PXYLP1: variants seen among roughly 807,000 people sequenced by gnomAD.
The protein encoded by PXYLP1 is acid phosphatase-like 2.
Under a neutral mutation model 37.9 loss-of-function variants are expected in PXYLP1, and 17 were observed. That is an observed-to-expected ratio of 0.45 (90% confidence interval 0.31 to 0.67). PXYLP1 has a LOEUF of 0.67. Among genes scored for constraint, PXYLP1 ranks in the 30% least tolerant of loss-of-function variants. PXYLP1 has a pLI of 0.07. For synonymous variants in PXYLP1, 221 were observed against 232.2 expected (o/e 0.95, Z 0.44); for missense variants, 511 against 612.0 (o/e 0.84, Z 1.74).
In PXYLP1 at chr3:141,269,113, C is replaced by G. The variant is rs142383290; in HGVS notation, c.79+8859C>G. On this transcript the variant is annotated intron_variant, in intron 2 of 5. Coordinates refer to ENST00000286353, the MANE Select transcript of PXYLP1 (RefSeq NM_001037172.3). ...GAGGTGGCCTCCCCAAAGCCCCTCG[C>G]CTGTCTGGCTATGTCTTTTGAGCCT... Among the ~76,000 whole-genome samples, 348 of 152,384 alleles carry G rather than the reference C, an allele frequency of 2.3e-3. 2 individuals carry two copies. The highest frequency in any genetic ancestry group is 7.9e-3 in the African/African-American group (327 of 41,590).
intron 1 of PXYLP1, among the ~76,000 whole-genome samples, chr3:141,244,234 A>G (rs1265886390): frequency 6.6e-6 from 1 of 152,234 alleles, no homozygotes; most frequent in African/African-American, 2.4e-5. Flanking sequence ...CACAGGTTCA[A>G]ATTCTAAAGT....
intron 2 of PXYLP1, among the ~76,000 whole-genome samples, chr3:141,269,556 C>T (rs916282309): frequency 2.6e-5 from 4 of 152,048 alleles, no homozygotes; most frequent in Admixed American, 6.5e-5. Context: ...ACTTTGGGTT[C>T]TTAGCCTGAA....
chr3:141,286,226 T>C (rs887104041), intron 4 of PXYLP1, among the ~76,000 whole-genome samples: 21 of 152,370 alleles, frequency 1.4e-4, no homozygotes, highest in Non-Finnish European at 2.4e-4. Flanking sequence ...CATTTCATTA[T>C]TCAGGGTAAT....
chr3:141,239,919 G>A (rs953761427), intron 1 of PXYLP1, among the ~76,000 whole-genome samples: 2 of 152,242 alleles, frequency 1.3e-5, no homozygotes, highest in Non-Finnish European at 2.9e-5. Context: ...ACAAGGACTG[G>A]CATGAAACAG....
intron 2 of PXYLP1, chr3:141,273,418 G>C: frequency 3.0e-6 from 3 of 985,198 alleles, no homozygotes; most frequent in Non-Finnish European, 3.6e-6. Flanking sequence ...GCAGAGAGAG[G>C]ATCAGTTTGG....
intron 2 of PXYLP1, among the ~76,000 whole-genome samples, chr3:141,264,983 A>G (rs1290880318): frequency 6.6e-6 from 1 of 152,226 alleles, no homozygotes; most frequent in Non-Finnish European, 1.5e-5. Flanking sequence ...CAGGAACCCA[A>G]TCCAGCTTGG....
At chr3:141,267,711 G>A (rs576457075) in intron 2 of PXYLP1, 1 of 152,222 alleles carries the variant, frequency 6.6e-6, no homozygotes, top group South Asian at 2.1e-4. Context: ...AGATGCATTG[G>A]AGTGGGAAGG....
chr3:141,280,270 G>A (rs1941916868), intron 4 of PXYLP1, among the ~76,000 whole-genome samples: 1 of 152,224 alleles, frequency 6.6e-6, no homozygotes, highest in African/African-American at 2.4e-5. Context: ...ATGCCAGCCT[G>A]CCCCGGGAGG....
Position 141,268,194 on chromosome 3 carries a change from AGAGAGAGAGAGAGTGTGT to A in PXYLP1, c.79+7942_79+7959del, listed in dbSNP as rs1333948146. Among the ~76,000 whole-genome samples the A allele has an allele frequency of 2.4e-3, 285 of 119,090 alleles. 1 individual carries two copies. Among genetic ancestry groups the A allele is most frequent in the South Asian group, 3.0e-3 (11 of 3,670 alleles). 78.1% of individuals were successfully genotyped at this position (119,090 alleles called of 152,430 possible). ...GAGAGAGAGAGAGAGAGAGAGAGAG[AGAGAGAGAGAGAGTGTGT>A]GTGTGTGTGTGTGTGTGTGTGTGTG... On this transcript the variant is annotated intron_variant, in intron 2 of 5. Transcript: ENST00000286353.
Position 141,257,926 on chromosome 3 carries a change from AGAG to A in PXYLP1, c.-53-2196_-53-2194del, listed in dbSNP as rs138384616. ...TCTCAAAAAAAAAAAAAAAAAAAAAAGAGAGAGAGAGAGAAAGAAAGAAGAAAA... is the reference window on the plus strand; with the variant it reads ...TCTCAAAAAAAAAAAAAAAAAAAAAAAGAGAGAGAGAAAGAAAGAAGAAAA... On this transcript the variant is annotated intron_variant, in intron 1 of 5. Transcript: ENST00000286353. Among the ~76,000 whole-genome samples, 344 of 134,058 alleles carry A rather than the reference AGAG, an allele frequency of 2.6e-3. 4 individuals carry two copies. Among genetic ancestry groups the A allele is most frequent in the African/African-American group, 0.011 (321 of 28,726 alleles). 87.9% of individuals were successfully genotyped at this position (134,058 alleles called of 152,430 possible).
intron 2 of PXYLP1, chr3:141,273,429 CT>C: frequency 1.0e-6 from 1 of 985,358 alleles, no homozygotes; most frequent in Non-Finnish European, 1.2e-6. Flanking sequence ...ATCAGTTTGG[CT>C]TGCATCCTAG....
At chr3:141,262,988 G>C (rs1256175376) in intron 2 of PXYLP1, among the ~76,000 whole-genome samples, 2 of 152,134 alleles carry the variant, frequency 1.3e-5, no homozygotes, top group African/African-American at 2.4e-5. Flanking sequence ...AGGCAACTAA[G>C]TATAACTCGG....
chr3:141,243,698 C>T (rs1027164590), intron 1 of PXYLP1, among the ~76,000 whole-genome samples: 9 of 152,240 alleles, frequency 5.9e-5, no homozygotes, highest in African/African-American at 2.2e-4. Flanking sequence ...GTTCTTGGAA[C>T]TCTGGGTTCG....
chr3:141,287,319 C>G lies in PXYLP1; in HGVS notation c.371C>G (p.Pro124Arg). The stretch of plus-strand genomic sequence containing the variant: ...TCTCTCTATCATCTCTCTAGGAAAC[C>G]GTATCACCCAAAACTGGAAGCTTTC... The part of the protein sequence containing the change: ...IDCTLVANRK[P>R]YHPKLEAFIS... Residue 124 changes from proline (P) to arginine (R), a missense_variant, in exon 5 of 6, where the codon CCG (proline) becomes CGG (arginine). Pro to Arg is a moderately radical substitution (Grantham distance 103, BLOSUM62 -2). Coordinates refer to ENST00000286353, the MANE Select transcript of PXYLP1 (RefSeq NM_001037172.3). 1 of 1,613,960 alleles carries G rather than the reference C, an allele frequency of 6.2e-7. No homozygotes were observed. The highest frequency in any genetic ancestry group is 8.5e-7 in the Non-Finnish European group (1 of 1,179,894).
In PXYLP1 at chr3:141,279,502, C is replaced by T. The variant is rs1302580467; in HGVS notation, c.363C>T (p.Asn121=). ...RPEIDCTLVA[N]RKPYHPKLEA... ...AAATTGACTGCACTCTGGTGGCTAA[C>T]AGGTAAATTGCACTTTTTCTAAAAG... is the stretch of plus-strand genomic sequence containing the variant. The change falls in exon 4 of 6, where the codon AAC becomes AAT. Residue 121 remains asparagine, a splice_region_variant and synonymous_variant. Coordinates refer to ENST00000286353, the MANE Select transcript of PXYLP1 (RefSeq NM_001037172.3). The T allele has an allele frequency of 3.1e-6, 5 of 1,614,112 alleles. No individual in the cohort carries two copies. The Admixed American group carries it at 8.3e-5, about 27-fold the overall frequency.
rs1361394309 is a variant in PXYLP1, at chr3:141,261,762, C to T, written c.79+1508C>T. Among the ~76,000 whole-genome samples the T allele has an allele frequency of 3.9e-5, 6 of 152,274 alleles. No individual in the cohort carries two copies. In the South Asian group the frequency reaches 1.2e-3, roughly 32 times the overall value. ...TCCCAGGAACCAGCACTGCCTAGCA[C>T]GTAGTAATATTTTGTAAATGTCTGC... On this transcript the variant is annotated intron_variant, in intron 2 of 5. Transcript: ENST00000286353.
At chr3:141,257,176 T>C (rs56153047) in intron 1 of PXYLP1, among the ~76,000 whole-genome samples, 6,186 of 152,328 alleles carry the variant, frequency 0.041, 173 homozygotes, top group South Asian at 0.12. Flanking sequence ...TTCCCATTTA[T>C]TGTATCAGTT....
intron 2 of PXYLP1, among the ~76,000 whole-genome samples, chr3:141,270,356 T>G (rs1941630639): frequency 6.6e-6 from 1 of 152,252 alleles, no homozygotes; most frequent in Non-Finnish European, 1.5e-5. Context: ...TATAACATGA[T>G]TCCCACTCCA....
chr3:141,269,948 A>G (rs6794495), intron 2 of PXYLP1, among the ~76,000 whole-genome samples: 21,416 of 152,264 alleles, frequency 0.14, 1,687 homozygotes, highest in African/African-American at 0.21. Flanking sequence ...AGCCCAGGCC[A>G]CAGGGGGAGC....
Sources: gnomAD v4.1 joint callset for allele counts (sites outside exome capture counted in the v4.1 genomes callset) on GRCh38, gnomAD v4.1.1 for gene constraint, MANE v1.5 for transcripts, NCBI Gene and HGNC (gene_info 2026-07-23, HGNC 2026-07-21) for gene names.